Variants in ZRANB2 observed in about 807,000 individuals in gnomAD.
ZRANB2 encodes the protein zinc finger RANBP2-type containing 2.
ZRANB2 carries 19 observed loss-of-function variants against 53.4 expected under a neutral mutation model. The observed-to-expected ratio is 0.36, with a 90% confidence interval of 0.25 to 0.52. The LOEUF (loss-of-function observed/expected upper bound fraction) is 0.52, where lower values mean the gene tolerates loss of function less well. ZRANB2 is among the 20% of genes least tolerant of loss of function. The pLI, the probability that ZRANB2 is intolerant of heterozygous loss-of-function variation, is 0.93. For synonymous variants in ZRANB2, 145 were observed against 134.8 expected (o/e 1.08, Z -0.52); for missense variants, 309 against 401.1 (o/e 0.77, Z 1.96).
chr1:71,076,165 TG>T lies in ZRANB2; in HGVS notation c.301+629del, dbSNP rs561941585. Among the ~76,000 whole-genome samples the T allele has an allele frequency of 2.5e-3, 383 of 152,320 alleles. 5 individuals carry two copies. Among genetic ancestry groups the T allele is most frequent in the Admixed American group, 0.024 (364 of 15,300 alleles). On this transcript the variant is annotated intron_variant, in intron 4 of 9. Transcript: ENST00000370920. ...ATTTTAAGTAAACAGATAATGTGGT[TG>T]GGCTAATTGGTGATAATGGAAAAAC...
Position 71,066,919 on chromosome 1 carries a change from G to A in ZRANB2, c.786C>T (p.Ser262=), listed in dbSNP as rs1661456301. The A allele has an allele frequency of 6.3e-7, 1 of 1,584,454 alleles. No individual in the cohort carries two copies. The highest frequency in any genetic ancestry group is 1.2e-5 in the South Asian group (1 of 83,410). The change falls in exon 9 of 10, where the codon TCC becomes TCT. Residue 262 remains serine, a synonymous_variant. Transcript: ENST00000370920. ...RGSKSRSSSR[S]HRGSSSPRKR... ...TTCGTGGGGAAGAAGAGCCCCTGTG[G>A]GACCTGGAGCTGGATCTTCATTGAT... is the stretch of plus-strand genomic sequence containing the variant.
intron 4 of ZRANB2, among the ~76,000 whole-genome samples, chr1:71,074,218 GCA>G (rs1306536417): frequency 1.3e-5 from 2 of 152,078 alleles, no homozygotes; most frequent in Non-Finnish European, 2.9e-5. Flanking sequence ...CCAGCACCTT[GCA>G]CAGTGGCCTA....
At chr1:71,075,625 C>T (rs534268135) in intron 4 of ZRANB2, among the ~76,000 whole-genome samples, 1 of 150,882 alleles carries the variant, frequency 6.6e-6, no homozygotes, top group East Asian at 2.0e-4. Context: ...CATCAGTGGC[C>T]AAAAGAAGAG....
At chr1:71,070,390 C>A (rs1420888810) in intron 7 of ZRANB2, among the ~76,000 whole-genome samples, 1 of 152,092 alleles carries the variant, frequency 6.6e-6, no homozygotes, top group Non-Finnish European at 1.5e-5. Context: ...ATTCACAATA[C>A]TGATATCAAA....
intron 3 of ZRANB2, among the ~76,000 whole-genome samples, chr1:71,077,833 GT>G (rs1557794804): frequency 6.6e-6 from 1 of 152,170 alleles, no homozygotes; most frequent in Admixed American, 6.5e-5. Context: ...TCCAGCCTGG[GT>G]GACTGAGTGG....
In ZRANB2 at chr1:71,078,573, C is replaced by A. The variant is rs577451405; in HGVS notation, c.110-8G>T. The A allele has an allele frequency of 6.2e-7, 1 of 1,613,210 alleles. No homozygotes were observed. Among genetic ancestry groups the A allele is most frequent in the Admixed American group, 1.7e-5 (1 of 59,914 alleles). On this transcript the variant is annotated splice_polypyrimidine_tract_variant and splice_region_variant and intron_variant, in intron 2 of 9. Transcript: ENST00000370920. Reference sequence around the variant, plus strand: ...TGGCCTCAGTTGTTTTCTCTGAAAACAGAAAAATCATGCAATATGAACCTG... The same window carrying A: ...TGGCCTCAGTTGTTTTCTCTGAAAAAAGAAAAATCATGCAATATGAACCTG...
At position 71,072,140 on chromosome 1, in the gene ZRANB2, G is replaced by T; in HGVS notation, c.494C>A (p.Ser165Tyr). The change falls in exon 6 of 10, where the codon TCT becomes TAT. Residue 165 changes from serine to tyrosine, a missense_variant. Transcript: ENST00000370920. ...GEEEDEDEDL[S>Y]KYKLDEDEDE... ...GTTCACCTCATCTAACTTATATTTA[G>T]AAAGATCTTCATCCTCATCCTCTTC... 1 of 1,609,962 alleles carries T rather than the reference G, an allele frequency of 6.2e-7. No homozygotes were observed. Among genetic ancestry groups the T allele is most frequent in the Non-Finnish European group, 8.5e-7 (1 of 1,178,654 alleles).
At position 71,066,784 on chromosome 1, in the gene ZRANB2, T is replaced by C. The variant is rs1292236572; in HGVS notation, c.921A>G (p.Ser307=). The change falls in exon 9 of 10, where the codon TCA becomes TCG. Residue 307 remains serine (S), a synonymous_variant. Transcript: ENST00000370920. The part of the protein sequence containing the change: ...DRKKRRTRSR[S]PERRHRSSSG... ...TCTACAGAAACCCAAACCTTTCGGG[T>C]GACCGTGATCTTGTTCGTCTTTTTT... is the stretch of plus-strand genomic sequence containing the variant. 1.3e-5 allele frequency: 21 copies of C among 1,611,496 alleles called. No individual in the cohort carries two copies. Among genetic ancestry groups the C allele is most frequent in the Admixed American group, 6.7e-5 (4 of 59,714 alleles).
In ZRANB2 at chr1:71,065,073, ATTAT is replaced by A; in HGVS notation, c.990_993del (p.Lys330AsnfsTer8). 1 of 1,604,890 alleles carries A rather than the reference ATTAT, an allele frequency of 6.2e-7. No homozygotes were observed. ...TTTTTTAAGATGTAAATTTTAATAC[ATTAT>A]TTCTTTTTTGAACTTGAACGGGAAC... On this transcript the variant is annotated frameshift_variant and stop_lost, in exon 10 of 10. Transcript: ENST00000370920. LOFTEE classifies it high-confidence loss of function.
rs1484544721 is a variant in ZRANB2, at chr1:71,066,818, C to A, written c.887G>T (p.Gly296Val). Residue 296 changes from glycine (G) to valine (V), a missense_variant, in exon 9 of 10, where the codon GGT becomes GTT. Coordinates refer to ENST00000370920, the MANE Select transcript of ZRANB2 (RefSeq NM_203350.3). ...KRSRSRSSSS[G>V]DRKKRRTRSR... ...TCTTGTTCGTCTTTTTTTGCGATCA[C>A]CAGATGAAGAAGATCTAGAACGACT... The A allele has an allele frequency of 1.2e-6, 2 of 1,612,138 alleles. No individual in the cohort carries two copies. Among genetic ancestry groups the A allele is most frequent in the Middle Eastern group, 1.7e-4 (1 of 6,050 alleles).
chr1:71,077,191 C>T (rs1002525091), intron 3 of ZRANB2, among the ~76,000 whole-genome samples: 1 of 152,088 alleles, frequency 6.6e-6, no homozygotes, highest in Non-Finnish European at 1.5e-5. Context: ...AATCCAAAAA[C>T]GTTCCAAAAT....
intron 8 of ZRANB2, among the ~76,000 whole-genome samples, chr1:71,069,014 A>G (rs1474108673): frequency 6.6e-6 from 1 of 152,058 alleles, no homozygotes; most frequent in Non-Finnish European, 1.5e-5. Context: ...TTCCTACTTC[A>G]TAACATCTTA....
At chr1:71,078,757 T>C in intron 1 of ZRANB2, 49 bp from the exon 2 acceptor site, 1 of 1,528,042 alleles carries the variant, frequency 6.5e-7, no homozygotes, top group Non-Finnish European at 9.0e-7. Flanking sequence ...TTGTAAAATT[T>C]TACATTTTAA....
rs1661609467 is a variant in ZRANB2, at chr1:71,072,212, G to A, written c.422C>T (p.Pro141Leu). 6.2e-6 allele frequency: 10 copies of A among 1,611,574 alleles called. No individual in the cohort carries two copies. The highest frequency in any genetic ancestry group is 7.6e-6 in the Non-Finnish European group (9 of 1,179,114). ...TTCAACTTCCTTTAATATAGATGCA[G>A]GACCAACTGCTTTCCCTCTGTATTT... is the stretch of plus-strand genomic sequence containing the variant. ...KKKYRGKAVG[P>L]ASILKEVEDK... Residue 141 changes from proline (P) to leucine (L), a missense_variant, in exon 6 of 10, where the codon CCT (proline) becomes CTT (leucine). Physicochemically the swap from Pro to Leu is moderately conservative, Grantham distance 98 (BLOSUM62 -3). This residue lies in a region of ZRANB2 where 74 missense variants were observed against 180.1 expected (regional missense o/e 0.41). Coordinates refer to ENST00000370920, the MANE Select transcript of ZRANB2 (RefSeq NM_203350.3).
chr1:71,072,766 A>G (rs541862173), intron 4 of ZRANB2, among the ~76,000 whole-genome samples: 1 of 152,106 alleles, frequency 6.6e-6, no homozygotes, highest in Non-Finnish European at 1.5e-5. Flanking sequence ...GCTCTTTTCA[A>G]TTCCAAATTG....
At chr1:71,069,757 G>T (rs1661554990) in intron 7 of ZRANB2, among the ~76,000 whole-genome samples, 1 of 151,704 alleles carries the variant, frequency 6.6e-6, no homozygotes, top group African/African-American at 2.4e-5. Context: ...TTCTATTTTT[G>T]TTTCTAGTTA....
At chr1:71,068,618 T>C (rs961199902) in intron 8 of ZRANB2, among the ~76,000 whole-genome samples, 1 of 152,190 alleles carries the variant, frequency 6.6e-6, no homozygotes, top group South Asian at 2.1e-4. Context: ...AAGGAAAATG[T>C]ATATACAGTA....
At chr1:71,078,852 C>T in intron 1 of ZRANB2, 144 bp from the exon 2 acceptor site, 1 of 712,484 alleles carries the variant, frequency 1.4e-6, no homozygotes. Context: ...AAAAACTCCA[C>T]ACAATTTACT....
At position 71,072,195 on chromosome 1, in the gene ZRANB2, C is replaced by T; in HGVS notation, c.439G>A (p.Glu147Lys). 1.2e-6 allele frequency: 2 copies of T among 1,612,344 alleles called. No individual in the cohort carries two copies. Among genetic ancestry groups the T allele is most frequent in the South Asian group, 1.1e-5 (1 of 90,928 alleles). ...KAVGPASILK[E>K]VEDKESEGEE... is the part of the protein sequence containing the mutation. ...CCCTCTGATTCTTTATCTTCAACTTCCTTTAATATAGATGCAGGACCAACT... is the reference window on the plus strand; with the variant it reads ...CCCTCTGATTCTTTATCTTCAACTTTCTTTAATATAGATGCAGGACCAACT... Residue 147 changes from glutamate (E) to lysine (K), a missense_variant, in exon 6 of 10, where the codon GAA becomes AAA. Glu to Lys is a moderately conservative substitution (Grantham distance 56). This residue lies in a region of ZRANB2 where 74 missense variants were observed against 180.1 expected (regional missense o/e 0.41). Transcript: ENST00000370920.
Sources: gnomAD v4.1 joint callset for allele counts (sites outside exome capture counted in the v4.1 genomes callset) on GRCh38, gnomAD v4.1.1 for gene constraint, gnomAD v4.1.1 regional missense constraint, MANE v1.5 for transcripts, NCBI Gene and HGNC (gene_info 2026-07-23, HGNC 2026-07-21) for gene names.